MARCHF1: variants seen among roughly 807,000 people sequenced by gnomAD.
The protein encoded by MARCHF1 is E3 ubiquitin-protein ligase MARCHF1.
MARCHF1 carries 40 observed loss-of-function variants against 54.2 expected under a neutral mutation model. The ratio of observed to expected loss-of-function variants is 0.74; its 90% CI spans 0.57 to 0.96. The LOEUF (loss-of-function observed/expected upper bound fraction) is 0.96. MARCHF1 is among the 40% of genes least tolerant of loss of function. MARCHF1 has a pLI of 0.00. For missense variants in MARCHF1, 586 were observed against 656.5 expected (o/e 0.89, Z 1.17); for synonymous variants, 236 against 236.3 (o/e 1.00, Z 0.01).
At chr4:163,932,907 G>A (rs1560825329) in intron 3 of MARCHF1, 1 of 639,120 alleles carries the variant, frequency 1.6e-6, no homozygotes, top group Non-Finnish European at 3.0e-6. Flanking sequence ...GTACTTTGCT[G>A]AAGCTGCATG....
At chr4:163,549,736 T>C (rs1739037577) in intron 8 of MARCHF1, among the ~76,000 whole-genome samples, 2 of 151,888 alleles carry the variant, frequency 1.3e-5, no homozygotes, top group South Asian at 4.1e-4. Flanking sequence ...CCAACAGAAC[T>C]CTATTATTCA....
intron 1 of MARCHF1, among the ~76,000 whole-genome samples, chr4:164,359,675 T>C (rs1730667443): frequency 6.6e-6 from 1 of 152,194 alleles, no homozygotes. Context: ...AGAGCTTAAC[T>C]ATTTATTGTT....
At chr4:163,711,983 T>C (rs774190185) in intron 4 of MARCHF1, among the ~76,000 whole-genome samples, 9 of 152,144 alleles carry the variant, frequency 5.9e-5, no homozygotes, top group Non-Finnish European at 1.2e-4. Context: ...TCTGGAGGTA[T>C]AATCATATTT....
chr4:164,068,748 C>T (rs1226640116), intron 2 of MARCHF1, among the ~76,000 whole-genome samples: 2 of 152,146 alleles, frequency 1.3e-5, no homozygotes, highest in South Asian at 2.1e-4. Flanking sequence ...GGGCGCACAG[C>T]GTGGGACTGG....
intron 1 of MARCHF1, among the ~76,000 whole-genome samples, chr4:164,291,381 G>C (rs72989566): frequency 0.18 from 27,630 of 151,918 alleles, 2,815 homozygotes; most frequent in Admixed American, 0.29. Flanking sequence ...CTAACAGTTT[G>C]CAGAATGGCT....
At chr4:164,203,502 T>C (rs1476593872) in intron 1 of MARCHF1, among the ~76,000 whole-genome samples, 3 of 152,300 alleles carry the variant, frequency 2.0e-5, no homozygotes, top group Admixed American at 6.5e-5. Flanking sequence ...TAGTCTTTTG[T>C]TCGATTGCAG....
intron 1 of MARCHF1, among the ~76,000 whole-genome samples, chr4:164,342,067 T>C (rs1729946695): frequency 1.3e-5 from 2 of 152,280 alleles, no homozygotes; most frequent in African/African-American, 2.4e-5. Context: ...ACTAAAACTT[T>C]AACATCTACA....
At chr4:163,866,481 T>TATATATATATATAA (rs1167768240) in intron 3 of MARCHF1, among the ~76,000 whole-genome samples, 2 of 145,476 alleles carry the variant, frequency 1.4e-5, no homozygotes, top group South Asian at 4.3e-4. Context: ...TATATATATA[T>TATATATATATATAA]AATAGGACTG....
Position 163,697,444 on chromosome 4 carries a change from G to A in MARCHF1, c.162+3369C>T, listed in dbSNP as rs180738943. ...TCTTCTGTGCACTGTTAGTTACCCC[G>A]TTTCACTGTAAGCTCACTAAGGAAT... On this transcript the variant is annotated intron_variant, in intron 5 of 9. Coordinates refer to ENST00000514618, the MANE Select transcript of MARCHF1 (RefSeq NM_001394959.1). 3.0e-4 allele frequency among the ~76,000 whole-genome samples: 46 copies of A among 152,166 alleles called. 1 individual carries two copies. Among genetic ancestry groups the A allele is most frequent in the Admixed American group, 1.8e-3 (27 of 15,288 alleles).
chr4:163,770,874 A>G (rs1054779946), intron 4 of MARCHF1, among the ~76,000 whole-genome samples: 1 of 152,166 alleles, frequency 6.6e-6, no homozygotes, highest in Non-Finnish European at 1.5e-5. Flanking sequence ...CTAAAGAAAT[A>G]CTCAGCCTTA....
At chr4:164,057,480 A>G (rs1483744473) in intron 2 of MARCHF1, among the ~76,000 whole-genome samples, 2 of 152,212 alleles carry the variant, frequency 1.3e-5, no homozygotes, top group African/African-American at 4.8e-5. Context: ...ACATAACCAA[A>G]TTCTGGCTGA....
chr4:163,690,887 C>T (rs937171693), intron 5 of MARCHF1, among the ~76,000 whole-genome samples: 16 of 152,144 alleles, frequency 1.1e-4, no homozygotes, highest in Admixed American at 1.3e-4. Flanking sequence ...CATTTGGGAG[C>T]GTTACATCTC....
At chr4:164,358,116 T>C (rs1023973496) in intron 1 of MARCHF1, among the ~76,000 whole-genome samples, 1 of 152,146 alleles carries the variant, frequency 6.6e-6, no homozygotes, top group African/African-American at 2.4e-5. Context: ...CTTACATTAA[T>C]CAGTCCACAT....
At chr4:163,719,543 C>T (rs574733753) in intron 4 of MARCHF1, among the ~76,000 whole-genome samples, 54 of 152,184 alleles carry the variant, frequency 3.5e-4, no homozygotes, top group Middle Eastern at 3.4e-3. Flanking sequence ...TGGGTATATA[C>T]GCAGTAATGG....
At chr4:164,067,446 A>G (rs992132869) in intron 2 of MARCHF1, among the ~76,000 whole-genome samples, 3 of 152,204 alleles carry the variant, frequency 2.0e-5, no homozygotes, top group Non-Finnish European at 4.4e-5. Flanking sequence ...GCATCTGATG[A>G]TCTTCAACAA....
At chr4:164,226,424 C>T (rs1426260485) in intron 1 of MARCHF1, among the ~76,000 whole-genome samples, 1 of 151,468 alleles carries the variant, frequency 6.6e-6, no homozygotes, top group African/African-American at 2.4e-5. Flanking sequence ...GGGGAGTAGA[C>T]CAAAGACAAC....
intron 2 of MARCHF1, among the ~76,000 whole-genome samples, chr4:164,046,064 T>C (rs6831318): frequency 0.25 from 37,690 of 152,072 alleles, 6,347 homozygotes; most frequent in East Asian, 0.48. Flanking sequence ...TTCAATTCTC[T>C]AATTTCTAAA....
At chr4:163,670,677 A>G (rs990388743) in intron 5 of MARCHF1, among the ~76,000 whole-genome samples, 10 of 151,944 alleles carry the variant, frequency 6.6e-5, no homozygotes, top group African/African-American at 2.4e-4. Context: ...ACTTCTTGCC[A>G]CCCACTGAGG....
rs138138369 is a variant in MARCHF1, at chr4:163,769,376, A to G, written c.112-68513T>C. ...TAGAAGAAGTAGTATAATAGATACT[A>G]TAAAATTGAATGTTTTCCATGGGTC... On this transcript the variant is annotated intron_variant, in intron 4 of 9. Transcript: ENST00000514618. Among the ~76,000 whole-genome samples the G allele has an allele frequency of 5.7e-3, 864 of 152,314 alleles. 7 individuals are homozygous for G. The highest frequency in any genetic ancestry group is 0.019 in the African/African-American group (807 of 41,572).
Sources: allele counts gnomAD v4.1 joint callset (sites outside exome capture counted in the v4.1 genomes callset), GRCh38; gene constraint gnomAD v4.1.1; transcripts MANE v1.5; gene names NCBI Gene and HGNC (gene_info 2026-07-23, HGNC 2026-07-21).